Variants in FAM117B observed in about 807,000 individuals in gnomAD.
The protein encoded by FAM117B is protein FAM117B.
FAM117B carries 22 observed loss-of-function variants against 52.8 expected under a neutral mutation model. That is an observed-to-expected ratio of 0.42 (90% CI 0.30 to 0.59). The LOEUF is 0.59. Ranked by LOEUF, FAM117B falls within the 20% of genes least tolerant of loss-of-function variation. The pLI is 0.22. For synonymous variants in FAM117B, 309 were observed against 324.1 expected (o/e 0.95, Z 0.50); for missense variants, 678 against 802.6 (o/e 0.84, Z 1.88).
chr2:202,768,498 C>G lies in FAM117B; in HGVS notation c.*2734C>G, dbSNP rs1025374665. On this transcript the variant is annotated 3_prime_UTR_variant, in exon 8 of 8. Transcript: ENST00000392238. ...AAAAGGTACAAGGTACAAAACAACT[C>G]TAACTGCCAGTGCCAAAGGGCTAAT... 1.3e-5 allele frequency: 2 copies of G among 152,586 alleles called. No individual in the cohort carries two copies. Among genetic ancestry groups the G allele is most frequent in the Non-Finnish European group, 2.9e-5 (2 of 68,038 alleles). The allele number at this position is 152,586 out of a possible 1,614,324, so 9.5% of individuals were successfully genotyped here.
At position 202,695,917 on chromosome 2, in the gene FAM117B, G is replaced by A. The variant is rs751439445; in HGVS notation, c.638G>A (p.Ser213Asn). The part of the protein sequence containing the change: ...KTRQPSSSPS[S>N]IIRRTSSLDT... ...CGACAGCCTTCTTCAAGCCCCTCCA[G>A]TATTATCCGACGCACTTCCTCCCTG... The change falls in exon 2 of 8, where the codon AGT becomes AAT. Residue 213 changes from serine (S) to asparagine (N), a missense_variant. Transcript: ENST00000392238. 5 of 1,612,172 alleles carry A rather than the reference G, an allele frequency of 3.1e-6. No individual in the cohort carries two copies. In the African/African-American group the frequency reaches 5.3e-5, roughly 17 times the overall value.
intron 2 of FAM117B, among the ~76,000 whole-genome samples, chr2:202,709,541 G>A (rs898072449): frequency 2.0e-5 from 3 of 152,066 alleles, no homozygotes; most frequent in Non-Finnish European, 2.9e-5. Context: ...CCATTGAGTT[G>A]TATGTGTTTC....
chr2:202,702,426 AAAAG>A lies in FAM117B; in HGVS notation c.753+6402_753+6405del, dbSNP rs962600003. Among the ~76,000 whole-genome samples, 8 of 152,100 alleles carry A rather than the reference AAAAG, an allele frequency of 5.3e-5. No individual in the cohort carries two copies. In the East Asian group the frequency reaches 5.8e-4, roughly 11 times the overall value. ...AGAAAGAAAGAAATAAAATAAATAA[AAAAG>A]AAAGAAATTGCTGTAGCCACCTTGG... is the stretch of plus-strand genomic sequence containing the variant. On this transcript the variant is annotated intron_variant, in intron 2 of 7. Coordinates refer to ENST00000392238, the MANE Select transcript of FAM117B (RefSeq NM_173511.4).
chr2:202,642,117 CT>C (rs780615722), intron 1 of FAM117B, among the ~76,000 whole-genome samples: 194 of 128,784 alleles, frequency 1.5e-3, no homozygotes, highest in Middle Eastern at 8.9e-3. Context: ...GATTTTTGTA[CT>C]TTTTTTTTTT....
At chr2:202,644,755 A>T (rs963267646) in intron 1 of FAM117B, among the ~76,000 whole-genome samples, 1 of 152,214 alleles carries the variant, frequency 6.6e-6, no homozygotes, top group Non-Finnish European at 1.5e-5. Flanking sequence ...TATTGAAAGC[A>T]CTTCATCTTC....
At position 202,635,426 on chromosome 2, in the gene FAM117B, G is replaced by A; in HGVS notation, c.239G>A (p.Gly80Asp). 3 of 1,238,376 alleles carry A rather than the reference G, an allele frequency of 2.4e-6. No homozygotes were observed. The highest frequency in any genetic ancestry group is 3.0e-6 in the Non-Finnish European group (3 of 994,536). 76.7% of individuals were successfully genotyped at this position (1,238,376 alleles called of 1,614,324 possible). A position where few individuals can be genotyped will look rare whatever the true frequency, so the allele number is the denominator to read the frequency against. Reference protein sequence around the residue: ...CGGASGPAGGGGGGGPRTASR... With the variant: ...CGGASGPAGGDGGGGPRTASR... ...GGCGCCTCAGGCCCCGCAGGCGGCGGCGGCGGCGGTGGCCCGCGCACCGCC... is the reference window on the plus strand; with the variant it reads ...GGCGCCTCAGGCCCCGCAGGCGGCGACGGCGGCGGTGGCCCGCGCACCGCC... The change falls in exon 1 of 8, where the codon GGC (glycine) becomes GAC (aspartate). Residue 80 changes from glycine to aspartate, a missense_variant. Physicochemically the swap from Gly to Asp is moderately conservative, Grantham distance 94. Around this residue, in one of 3 missense-constraint regions of FAM117B, gnomAD observed 583 missense variants for 644.8 expected, o/e 0.90. Coordinates refer to ENST00000392238, the MANE Select transcript of FAM117B (RefSeq NM_173511.4).
At chr2:202,665,662 G>C (rs1459274564) in intron 1 of FAM117B, among the ~76,000 whole-genome samples, 3 of 152,136 alleles carry the variant, frequency 2.0e-5, no homozygotes. Context: ...GTGCAGTGGT[G>C]CAATCTCGGC....
intron 1 of FAM117B, among the ~76,000 whole-genome samples, chr2:202,695,217 A>G (rs1376961993): frequency 6.6e-6 from 1 of 151,562 alleles, no homozygotes; most frequent in Non-Finnish European, 1.5e-5. Context: ...GTGTATGAGT[A>G]GCTTGTTCCT....
At chr2:202,684,662 A>C (rs1423387319) in intron 1 of FAM117B, among the ~76,000 whole-genome samples, 1 of 151,216 alleles carries the variant, frequency 6.6e-6, no homozygotes, top group Non-Finnish European at 1.5e-5. Flanking sequence ...AACATGTATT[A>C]GATAACTTCA....
At chr2:202,720,873 C>G (rs931572319) in intron 2 of FAM117B, among the ~76,000 whole-genome samples, 2 of 152,068 alleles carry the variant, frequency 1.3e-5, no homozygotes, top group African/African-American at 4.8e-5. Context: ...TAGCTTTTAC[C>G]TAGTAGTTTT....
intron 2 of FAM117B, among the ~76,000 whole-genome samples, chr2:202,714,479 T>C (rs1292723553): frequency 6.6e-6 from 1 of 151,936 alleles, no homozygotes; most frequent in Non-Finnish European, 1.5e-5. Context: ...TATATATTTG[T>C]GTGCTCCAGT....
At chr2:202,655,805 G>T (rs550181443) in intron 1 of FAM117B, among the ~76,000 whole-genome samples, 10 of 148,268 alleles carry the variant, frequency 6.7e-5, no homozygotes, top group African/African-American at 2.0e-4. Context: ...GTTTAGTGTG[G>T]TAATGAGAAG....
intron 4 of FAM117B, among the ~76,000 whole-genome samples, chr2:202,742,454 T>G (rs528969349): frequency 1.3e-5 from 2 of 152,264 alleles, no homozygotes; most frequent in South Asian, 2.1e-4. Flanking sequence ...GAGATGAACT[T>G]TTGAATTACT....
chr2:202,760,418 C>T (rs534703882), intron 7 of FAM117B, among the ~76,000 whole-genome samples: 3 of 152,294 alleles, frequency 2.0e-5, no homozygotes, highest in Admixed American at 6.5e-5. Flanking sequence ...CTCCTTTCAC[C>T]GAATTCCACA....
In FAM117B at chr2:202,706,700, G is replaced by A. The variant is rs539739789; in HGVS notation, c.753+10668G>A. Among the ~76,000 whole-genome samples the A allele has an allele frequency of 8.5e-5, 13 of 152,322 alleles. No homozygotes were observed. In the South Asian group the frequency reaches 2.7e-3, roughly 32 times the overall value. The stretch of plus-strand genomic sequence containing the variant: ...GCATTACTAAAAAGTATATTTTAAT[G>A]TTATGAAAATGAAGAAGTAAAATTA... On this transcript the variant is annotated intron_variant, in intron 2 of 7. Transcript: ENST00000392238.
At chr2:202,662,275 T>G (rs1690142183) in intron 1 of FAM117B, among the ~76,000 whole-genome samples, 1 of 152,064 alleles carries the variant, frequency 6.6e-6, no homozygotes. Flanking sequence ...TTAAGTGAAA[T>G]AATCCAGGCA....
Position 202,635,298 on chromosome 2 carries a change from G to A in FAM117B, c.111G>A (p.Ala37=). 4.9e-6 allele frequency: 7 copies of A among 1,422,316 alleles called. No individual in the cohort carries two copies. The highest frequency in any genetic ancestry group is 6.4e-6 in the Non-Finnish European group (7 of 1,085,586). 88.1% of individuals were successfully genotyped at this position (1,422,316 alleles called of 1,614,324 possible). A position where few individuals can be genotyped will look rare whatever the true frequency, so the allele number is the denominator to read the frequency against. The change falls in exon 1 of 8, where the codon GCG becomes GCA. Residue 37 remains alanine, a synonymous_variant. Coordinates refer to ENST00000392238, the MANE Select transcript of FAM117B (RefSeq NM_173511.4). ...GPGSRLQPMR[A]TVPFQLKQQQ... is the part of the protein sequence containing the mutation. ...GGAGCCGCTTGCAGCCCATGAGGGC[G>A]ACGGTTCCGTTCCAGCTGAAGCAGC...
intron 2 of FAM117B, among the ~76,000 whole-genome samples, chr2:202,711,003 G>A (rs529769493): frequency 8.3e-4 from 126 of 152,262 alleles, no homozygotes; most frequent in African/African-American, 2.8e-3. Flanking sequence ...ATTGGGAACA[G>A]TTTTGCACTA....
At chr2:202,709,233 G>C (rs559877136) in intron 2 of FAM117B, among the ~76,000 whole-genome samples, 292 of 142,288 alleles carry the variant, frequency 2.1e-3, no homozygotes, top group Non-Finnish European at 3.5e-3. Flanking sequence ...ACAGGGTTTC[G>C]CACTTGTTGC....
Sources: gnomAD v4.1 joint callset for allele counts (sites outside exome capture counted in the v4.1 genomes callset) on GRCh38, gnomAD v4.1.1 for gene constraint, gnomAD v4.1.1 regional missense constraint, MANE v1.5 for transcripts, NCBI Gene and HGNC (gene_info 2026-07-23, HGNC 2026-07-21) for gene names.